Variants in FBXL7 observed in about 807,000 individuals in gnomAD.
FBXL7 encodes the protein F-box/LRR-repeat protein 7.
A neutral mutation model predicts 38.3 loss-of-function variants in FBXL7; 12 were observed. The ratio of observed to expected loss-of-function variants is 0.31; its 90% CI spans 0.20 to 0.51. FBXL7 has a LOEUF of 0.51. Among genes scored for constraint, FBXL7 ranks in the 20% least tolerant of loss-of-function variants. FBXL7 has a pLI of 0.98. For synonymous variants in FBXL7, 297 were observed against 300.9 expected (o/e 0.99, Z 0.13); for missense variants, 567 against 676.4 (o/e 0.84, Z 1.79).
chr5:15,561,545 A>G (rs1022798125), intron 1 of FBXL7, among the ~76,000 whole-genome samples: 2 of 152,126 alleles, frequency 1.3e-5, no homozygotes, highest in Non-Finnish European at 2.9e-5. Context: ...TATCTTTACT[A>G]CGAGGTGATT....
Position 15,906,141 on chromosome 5 carries a change from A to G in FBXL7, c.128-21749A>G, listed in dbSNP as rs775123635. On this transcript the variant is annotated intron_variant, in intron 2 of 3. Transcript: ENST00000504595. ...ATCATCGCCAACATATCAAATGTACACTTCCTTCCCTCCTGGTTCCAAACC... is the reference window on the plus strand; with the variant it reads ...ATCATCGCCAACATATCAAATGTACGCTTCCTTCCCTCCTGGTTCCAAACC... Among the ~76,000 whole-genome samples, 74 of 152,058 alleles carry G rather than the reference A, an allele frequency of 4.9e-4. No individual in the cohort carries two copies. In the Middle Eastern group the frequency reaches 0.014, roughly 28 times the overall value.
chr5:15,516,333 T>G (rs1016508805), intron 1 of FBXL7, among the ~76,000 whole-genome samples: 7 of 152,346 alleles, frequency 4.6e-5, no homozygotes, highest in Admixed American at 2.0e-4. Context: ...CACTTTAAAA[T>G]GAAATTTTCT....
chr5:15,848,263 G>A (rs1738977406), intron 2 of FBXL7, among the ~76,000 whole-genome samples: 2 of 151,894 alleles, frequency 1.3e-5, no homozygotes, highest in Admixed American at 1.3e-4. Flanking sequence ...CTGATGCTTT[G>A]TGTCATCAGG....
At chr5:15,631,185 A>G (rs1259200993) in intron 2 of FBXL7, among the ~76,000 whole-genome samples, 1 of 152,216 alleles carries the variant, frequency 6.6e-6, no homozygotes, top group African/African-American at 2.4e-5. Flanking sequence ...TCCTGGAATA[A>G]TAAATCCAAC....
chr5:15,836,428 G>T (rs186368201), intron 2 of FBXL7, among the ~76,000 whole-genome samples: 1 of 152,156 alleles, frequency 6.6e-6, no homozygotes, highest in African/African-American at 2.4e-5. Context: ...AGAGAGATTG[G>T]GAAGATCAGG....
At position 15,857,780 on chromosome 5, in the gene FBXL7, A is replaced by G. The variant is rs115884575; in HGVS notation, c.128-70110A>G. Among the ~76,000 whole-genome samples the G allele has an allele frequency of 6.9e-3, 1,056 of 152,292 alleles. 5 individuals are homozygous for G. The highest frequency in any genetic ancestry group is 9.5e-3 in the Non-Finnish European group (647 of 68,008). ...TTAATTATGCAGAAATAGATGATTT[A>G]TTTTTTCCTCCAATAAAGTTAGGTA... On this transcript the variant is annotated intron_variant, in intron 2 of 3. Coordinates refer to ENST00000504595, the MANE Select transcript of FBXL7 (RefSeq NM_012304.5).
chr5:15,629,142 T>A (rs1740916820), intron 2 of FBXL7, among the ~76,000 whole-genome samples: 1 of 151,840 alleles, frequency 6.6e-6, no homozygotes, highest in South Asian at 2.1e-4. Flanking sequence ...GAAAATTACT[T>A]GGGTGTGGTG....
intron 2 of FBXL7, among the ~76,000 whole-genome samples, chr5:15,626,729 C>T (rs991794529): frequency 6.6e-6 from 1 of 152,122 alleles, no homozygotes; most frequent in African/African-American, 2.4e-5. Context: ...ATTTCTTTCA[C>T]CTAGTTTGCC....
At position 15,928,785 on chromosome 5, in the gene FBXL7, C is replaced by T. The variant is rs1010225952; in HGVS notation, c.739+284C>T. On this transcript the variant is annotated intron_variant, in intron 3 of 3. Transcript: ENST00000504595. This position sits in a 1 kb window ranked among gnomAD's most constrained non-coding sequence, Gnocchi z 4.0. ...CGTGCAGGTTAGTTACATATGTATA[C>T]ATGTGCCATGTTGGTGTGCTGCACC... 1.3e-5 allele frequency among the ~76,000 whole-genome samples: 2 copies of T among 152,090 alleles called. No individual in the cohort carries two copies. Among genetic ancestry groups the T allele is most frequent in the Non-Finnish European group, 2.9e-5 (2 of 68,012 alleles).
At chr5:15,807,070 G>T (rs1364300732) in intron 2 of FBXL7, among the ~76,000 whole-genome samples, 6 of 152,000 alleles carry the variant, frequency 3.9e-5, no homozygotes, top group Non-Finnish European at 8.8e-5. Context: ...TCTTGCCTCA[G>T]CCTCCCAAGT....
At chr5:15,598,943 G>C (rs1243031225) in intron 1 of FBXL7, among the ~76,000 whole-genome samples, 1 of 152,150 alleles carries the variant, frequency 6.6e-6, no homozygotes, top group East Asian at 1.9e-4. Context: ...GGCAATTGCT[G>C]CATTCAGTGT....
intron 2 of FBXL7, among the ~76,000 whole-genome samples, chr5:15,718,706 A>C (rs375080123): frequency 1.1e-4 from 16 of 152,372 alleles, no homozygotes; most frequent in African/African-American, 3.6e-4. Context: ...AAATATCATC[A>C]GTACAATTCT....
At chr5:15,934,395 A>T (rs1450360564) in intron 3 of FBXL7, among the ~76,000 whole-genome samples, 1 of 152,152 alleles carries the variant, frequency 6.6e-6, no homozygotes, top group African/African-American at 2.4e-5. Context: ...TTAATATACC[A>T]TAAGTATACT....
intron 2 of FBXL7, among the ~76,000 whole-genome samples, chr5:15,874,488 C>A (rs1740115586): frequency 6.6e-6 from 1 of 152,152 alleles, no homozygotes. Flanking sequence ...TCTCTGTTTG[C>A]AGATGACATG....
intron 2 of FBXL7, among the ~76,000 whole-genome samples, 158 bp from the exon 3 acceptor site, chr5:15,927,732 G>A (rs1470887410): frequency 7.6e-6 from 1 of 132,128 alleles, no homozygotes; most frequent in East Asian, 2.2e-4. Flanking sequence ...CCAAGATCAC[G>A]CCATTGCACT....
At chr5:15,927,746 G>T (rs1741914188) in intron 2 of FBXL7, 144 bp from the exon 3 acceptor site, 2 of 847,294 alleles carry the variant, frequency 2.4e-6, no homozygotes, top group Admixed American at 4.9e-5. Flanking sequence ...TTGCACTCCC[G>T]CCTGGGCGAC....
chr5:15,511,543 C>T (rs1408920857), intron 1 of FBXL7, among the ~76,000 whole-genome samples: 1 of 152,238 alleles, frequency 6.6e-6, no homozygotes, highest in South Asian at 2.1e-4. Flanking sequence ...TTTAAAACAG[C>T]AGATGCTATG....
intron 2 of FBXL7, among the ~76,000 whole-genome samples, chr5:15,772,982 C>T (rs1736767739): frequency 6.6e-6 from 1 of 151,952 alleles, no homozygotes; most frequent in South Asian, 2.1e-4. Flanking sequence ...TCAGCTTCAA[C>T]CTCCTGGGCT....
chr5:15,749,588 C>G (rs919125698), intron 2 of FBXL7, among the ~76,000 whole-genome samples: 4 of 152,174 alleles, frequency 2.6e-5, no homozygotes, highest in African/African-American at 4.8e-5. Flanking sequence ...GATTGCGCCA[C>G]TGCACTCCAG....
Sources: allele counts gnomAD v4.1 joint callset (sites outside exome capture counted in the v4.1 genomes callset), GRCh38; gene constraint gnomAD v4.1.1; non-coding constraint Gnocchi (gnomAD v3.1); transcripts MANE v1.5; gene names NCBI Gene and HGNC (gene_info 2026-07-23, HGNC 2026-07-21).